Variants in BMPR2 observed in about 807,000 individuals in gnomAD.
BMPR2 encodes the protein bone morphogenetic protein receptor type-2.
A neutral mutation model predicts 100.8 loss-of-function variants in BMPR2; 29 were observed. The ratio of observed to expected loss-of-function variants is 0.29; its 90% CI spans 0.21 to 0.39. BMPR2 has a LOEUF of 0.39. BMPR2 is among the 10% of genes least tolerant of loss of function. The pLI, the probability that BMPR2 is intolerant of heterozygous loss-of-function variation, is 1.00. For synonymous variants in BMPR2, 382 were observed against 442.3 expected (o/e 0.86, Z 1.71); for missense variants, 1,011 against 1,274.5 (o/e 0.79, Z 3.15).
At chr2:202,463,247 A>T (rs1692255968) in intron 1 of BMPR2, among the ~76,000 whole-genome samples, 1 of 152,210 alleles carries the variant, frequency 6.6e-6, no homozygotes, top group South Asian at 2.1e-4. Flanking sequence ...GAACAAGGGT[A>T]TGAGTGAAGC....
chr2:202,421,503 C>T (rs1371212920), intron 1 of BMPR2, among the ~76,000 whole-genome samples: 9 of 140,530 alleles, frequency 6.4e-5, no homozygotes, highest in Non-Finnish European at 1.2e-4. Flanking sequence ...TTATACAAGA[C>T]TGAATGGTGC....
chr2:202,470,114 C>T (rs945627549), intron 3 of BMPR2, among the ~76,000 whole-genome samples: 9 of 151,980 alleles, frequency 5.9e-5, no homozygotes, highest in Admixed American at 3.3e-4. Flanking sequence ...GAGACTGAGG[C>T]GGGCAGATCA....
rs534880675 is a variant in BMPR2 at position 202,525,551 on chromosome 2, A to C, written c.968-5243A>C. On this transcript the variant is annotated intron_variant, in intron 7 of 12. Coordinates refer to ENST00000374580, the MANE Select transcript of BMPR2 (RefSeq NM_001204.7). ...CCATCATGCCAGTCAGGGAAAAGTA[A>C]GGGAAGGTAAAAGGAATTGTCCCTT... 7.9e-5 allele frequency among the ~76,000 whole-genome samples: 12 copies of C among 152,248 alleles called. No homozygotes were observed. In the South Asian group the frequency reaches 1.2e-3, roughly 16 times the overall value.
intron 1 of BMPR2, among the ~76,000 whole-genome samples, chr2:202,429,754 C>G (rs918069749): frequency 1.3e-5 from 2 of 152,080 alleles, no homozygotes; most frequent in Non-Finnish European, 2.9e-5. Context: ...GAAGCAGGTG[C>G]CTTCTTCACA....
chr2:202,557,269 C>T (rs1688592247), intron 12 of BMPR2, among the ~76,000 whole-genome samples: 1 of 152,064 alleles, frequency 6.6e-6, no homozygotes, highest in Admixed American at 6.6e-5. Context: ...CAAGATCAGC[C>T]TGGCCAAGGT....
chr2:202,431,250 A>G (rs1691497343), intron 1 of BMPR2, among the ~76,000 whole-genome samples: 1 of 150,616 alleles, frequency 6.6e-6, no homozygotes, highest in Non-Finnish European at 1.5e-5. Flanking sequence ...ATAAAGATAA[A>G]TACATTAGAA....
At chr2:202,426,710 C>T (rs1017930334) in intron 1 of BMPR2, among the ~76,000 whole-genome samples, 86 of 151,902 alleles carry the variant, frequency 5.7e-4, no homozygotes, top group African/African-American at 1.7e-3. Context: ...AGTAAGATCC[C>T]GTCTCTTCAA....
At position 202,556,235 on chromosome 2, in the gene BMPR2, G is replaced by A. The variant is rs373186884; in HGVS notation, c.2570G>A (p.Arg857Gln). The change falls in exon 12 of 13, where the codon CGG (arginine) becomes CAG (glutamine). Residue 857 changes from arginine (R) to glutamine (Q), a missense_variant. Arg to Gln is a conservative substitution (Grantham distance 43, BLOSUM62 1). This residue lies in a region of BMPR2 where 508 missense variants were observed against 552.0 expected (regional missense o/e 0.92). Coordinates refer to ENST00000374580, the MANE Select transcript of BMPR2 (RefSeq NM_001204.7). Reference protein sequence around the residue: ...LQNQFIGEDTRLNINSSPDEH... With the variant: ...LQNQFIGEDTQLNINSSPDEH... ...AATCAGTTTATTGGTGAGGACACCC[G>A]GCTGAATATTAATTCCAGTCCTGAT... 2.0e-5 allele frequency: 32 copies of A among 1,613,186 alleles called. No homozygotes were observed. Among genetic ancestry groups the A allele is most frequent in the African/African-American group, 1.2e-4 (9 of 74,884 alleles).
chr2:202,401,780 C>T (rs1424784418), intron 1 of BMPR2, among the ~76,000 whole-genome samples: 1 of 152,124 alleles, frequency 6.6e-6, no homozygotes, highest in Non-Finnish European at 1.5e-5. Context: ...ACCAAGGAGC[C>T]TCAACATAAT....
intron 3 of BMPR2, chr2:202,469,434 CA>C (rs1309103056): frequency 4.0e-6 from 1 of 249,098 alleles, no homozygotes; most frequent in Non-Finnish European, 8.2e-6. Flanking sequence ...AAATTCTTCA[CA>C]GTATACGCAA....
intron 1 of BMPR2, among the ~76,000 whole-genome samples, chr2:202,423,379 C>G (rs1018641211): frequency 1.1e-4 from 16 of 152,148 alleles, no homozygotes; most frequent in Non-Finnish European, 5.9e-5. Context: ...GAACTTGGCT[C>G]CCACTTCAGA....
intron 7 of BMPR2, among the ~76,000 whole-genome samples, chr2:202,521,938 C>A (rs1687825686): frequency 6.6e-6 from 1 of 152,116 alleles, no homozygotes; most frequent in Admixed American, 6.5e-5. Context: ...TCTCAAGGAT[C>A]ACTTGAGCAC....
chr2:202,560,056 C>A lies in BMPR2; in HGVS notation c.*110C>A. The A allele has an allele frequency of 7.4e-7, 1 of 1,342,682 alleles. No individual in the cohort carries two copies. Among genetic ancestry groups the A allele is most frequent in the Non-Finnish European group, 1.0e-6 (1 of 973,352 alleles). 83.2% of individuals were successfully genotyped at this position (1,342,682 alleles called of 1,614,324 possible). A position where few individuals can be genotyped will look rare whatever the true frequency, so the allele number is the denominator to read the frequency against. ...TTATCCTCCTGTCAGCACCCCCTCC[C>A]ACCCCTGCAACAAAGACTTGCTTTA... On this transcript the variant is annotated 3_prime_UTR_variant, in exon 13 of 13. Transcript: ENST00000374580.
intron 1 of BMPR2, among the ~76,000 whole-genome samples, chr2:202,440,732 G>A (rs1691721008): frequency 1.3e-5 from 2 of 150,440 alleles, no homozygotes; most frequent in African/African-American, 5.0e-5. Context: ...GTTGCAGTGA[G>A]CCGAGATGGT....
intron 1 of BMPR2, among the ~76,000 whole-genome samples, chr2:202,459,834 C>G (rs1255944415): frequency 6.6e-6 from 1 of 152,182 alleles, no homozygotes; most frequent in East Asian, 1.9e-4. Context: ...AGACAACCTA[C>G]AGAATGGGAG....
chr2:202,460,945 G>A (rs1692213606), intron 1 of BMPR2, among the ~76,000 whole-genome samples: 1 of 151,618 alleles, frequency 6.6e-6, no homozygotes, highest in Non-Finnish European at 1.5e-5. Flanking sequence ...TGAACTCCTG[G>A]GCTCCAGCTA....
At chr2:202,446,312 T>TC (rs1691847780) in intron 1 of BMPR2, among the ~76,000 whole-genome samples, 1 of 149,918 alleles carries the variant, frequency 6.7e-6, no homozygotes, top group Admixed American at 6.6e-5. Flanking sequence ...GGCAGGAGAA[T>TC]GCTTGAACCT....
chr2:202,503,132 G>A lies in BMPR2; in HGVS notation c.419-10587G>A, dbSNP rs547915865. Among the ~76,000 whole-genome samples, 1 of 152,222 alleles carries A rather than the reference G, an allele frequency of 6.6e-6. No homozygotes were observed. The highest frequency in any genetic ancestry group is 2.4e-5 in the African/African-American group (1 of 41,468). On this transcript the variant is annotated intron_variant, in intron 3 of 12. Transcript: ENST00000374580. This position sits in a 1 kb window ranked among gnomAD's most constrained non-coding sequence, Gnocchi z 4.0. ...AGAGCCCCTTCTTTGCCCCTATCCAGCAGGAAATAGCTAGAGCGGTCATTG... is the reference window on the plus strand; with the variant it reads ...AGAGCCCCTTCTTTGCCCCTATCCAACAGGAAATAGCTAGAGCGGTCATTG...
chr2:202,458,469 C>CA (rs200855527), intron 1 of BMPR2, among the ~76,000 whole-genome samples: 3 of 151,236 alleles, frequency 2.0e-5, no homozygotes, highest in Non-Finnish European at 4.4e-5. Context: ...GACCCTGTCT[C>CA]AAAAAAAATT....
Sources: gnomAD v4.1 joint callset for allele counts (sites outside exome capture counted in the v4.1 genomes callset) on GRCh38, gnomAD v4.1.1 for gene constraint, gnomAD v4.1.1 regional missense constraint, Gnocchi (gnomAD v3.1) non-coding constraint, MANE v1.5 for transcripts, NCBI Gene and HGNC (gene_info 2026-07-23, HGNC 2026-07-21) for gene names.